IFNG-AS1: variants seen among roughly 807,000 people sequenced by gnomAD.
IFNG-AS1 encodes IFNG regulatory antisense RNA 1.
At chr12:67,991,997 T>A (rs1394888943) in intron 1 of IFNG-AS1, among the ~76,000 whole-genome samples, 1 of 152,242 alleles carries the variant, frequency 6.6e-6, no homozygotes, top group Non-Finnish European at 1.5e-5. Context: ...GAAAGAAAGG[T>A]TAAAGTTGAC....
chr12:68,017,383 G>T (rs972061649), intron 3 of IFNG-AS1, among the ~76,000 whole-genome samples: 1 of 152,146 alleles, frequency 6.6e-6, no homozygotes, highest in Non-Finnish European at 1.5e-5. Context: ...CAGTGATTTG[G>T]AGAAAAATTA....
chr12:68,002,384 C>G (rs143476535), intron 2 of IFNG-AS1, among the ~76,000 whole-genome samples: 4 of 152,302 alleles, frequency 2.6e-5, no homozygotes, highest in African/African-American at 9.6e-5. Flanking sequence ...GTATTTGGCT[C>G]TCAGAGTCAG....
intron 3 of IFNG-AS1, among the ~76,000 whole-genome samples, chr12:68,010,786 C>T (rs566656132): frequency 6.6e-6 from 1 of 152,344 alleles, no homozygotes; most frequent in East Asian, 1.9e-4. Context: ...GGATACCCTT[C>T]ATGTGCCAGG....
At chr12:68,002,874 C>A (rs963913080) in intron 2 of IFNG-AS1, among the ~76,000 whole-genome samples, 3 of 152,200 alleles carry the variant, frequency 2.0e-5, no homozygotes, top group Non-Finnish European at 2.9e-5. Flanking sequence ...CAGTGAGCCA[C>A]ATGCTGTCAT....
chr12:68,019,649 G>A (rs1475120170), intron 3 of IFNG-AS1, among the ~76,000 whole-genome samples: 1 of 152,128 alleles, frequency 6.6e-6, no homozygotes, highest in African/African-American at 2.4e-5. Context: ...ATGTCAACTT[G>A]TACACTCACA....
chr12:67,994,258 A>G (rs1277733487), intron 1 of IFNG-AS1, among the ~76,000 whole-genome samples: 2 of 152,224 alleles, frequency 1.3e-5, no homozygotes, highest in African/African-American at 2.4e-5. Context: ...AGAGGGAGCT[A>G]TAACAGAGAA....
intron 2 of IFNG-AS1, among the ~76,000 whole-genome samples, chr12:67,997,285 G>A (rs546175106): frequency 6.6e-6 from 1 of 152,136 alleles, no homozygotes; most frequent in Non-Finnish European, 1.5e-5. Flanking sequence ...GTAGGATGCA[G>A]GTGCATGACT....
At chr12:68,001,116 C>A (rs1879757652) in intron 2 of IFNG-AS1, among the ~76,000 whole-genome samples, 3 of 150,698 alleles carry the variant, frequency 2.0e-5, no homozygotes, top group African/African-American at 5.0e-5. Flanking sequence ...CACATACATA[C>A]AAACACACAT....
At chr12:68,014,445 A>G (rs1349340259) in intron 3 of IFNG-AS1, among the ~76,000 whole-genome samples, 3 of 152,130 alleles carry the variant, frequency 2.0e-5, no homozygotes, top group Non-Finnish European at 4.4e-5. Flanking sequence ...CCATGCCAAC[A>G]TCTACTGGTT....
chr12:68,011,978 T>C (rs1322436540), intron 3 of IFNG-AS1, among the ~76,000 whole-genome samples: 2 of 152,206 alleles, frequency 1.3e-5, no homozygotes, highest in Non-Finnish European at 2.9e-5. Context: ...ACAAGCAATC[T>C]GCTTTGAGTT....
chr12:68,008,561 G>A (rs1879957957), intron 3 of IFNG-AS1, among the ~76,000 whole-genome samples: 1 of 152,200 alleles, frequency 6.6e-6, no homozygotes, highest in African/African-American at 2.4e-5. Flanking sequence ...ATTCCAAGGT[G>A]TCAGTAGATT....
At chr12:67,996,650 T>G (rs185073914) in intron 2 of IFNG-AS1, among the ~76,000 whole-genome samples, 1 of 152,292 alleles carries the variant, frequency 6.6e-6, no homozygotes, top group African/African-American at 2.4e-5. Context: ...GAACTTGGCT[T>G]CTCTCTTTCA....
chr12:68,016,241 G>C (rs1053421671), intron 3 of IFNG-AS1, among the ~76,000 whole-genome samples: 1 of 152,092 alleles, frequency 6.6e-6, no homozygotes. Flanking sequence ...GCATACCGTG[G>C]AGTCATGCTC....
At chr12:68,004,904 T>C (rs1359859190) in intron 2 of IFNG-AS1, among the ~76,000 whole-genome samples, 3 of 152,204 alleles carry the variant, frequency 2.0e-5, no homozygotes, top group Non-Finnish European at 4.4e-5. Flanking sequence ...TTCTGTCTCC[T>C]TTTTTGCAGT....
At chr12:68,011,883 C>T (rs922928287) in intron 3 of IFNG-AS1, among the ~76,000 whole-genome samples, 1 of 152,204 alleles carries the variant, frequency 6.6e-6, no homozygotes, top group Non-Finnish European at 1.5e-5. Context: ...AATAGAGAAG[C>T]TTCTCCAGCA....
chr12:68,016,889 G>T (rs1215661616), intron 3 of IFNG-AS1, among the ~76,000 whole-genome samples: 2 of 152,292 alleles, frequency 1.3e-5, no homozygotes, highest in East Asian at 3.9e-4. Flanking sequence ...CATGCCCTGG[G>T]CTAGGCATAA....
At chr12:68,014,791 C>T (rs3014992) in intron 3 of IFNG-AS1, among the ~76,000 whole-genome samples, 52,753 of 98,010 alleles carry the variant, frequency 0.54, 9,987 homozygotes, top group Middle Eastern at 0.66. Context: ...CTTACACACA[C>T]ACAGACACAC....
chr12:67,996,392 G>T (rs1476785327), intron 2 of IFNG-AS1, among the ~76,000 whole-genome samples: 2 of 152,206 alleles, frequency 1.3e-5, no homozygotes, highest in Non-Finnish European at 2.9e-5. Context: ...ATTCTTAAAA[G>T]ATCATACTTG....
At chr12:68,003,701 T>C (rs1879835646) in intron 2 of IFNG-AS1, among the ~76,000 whole-genome samples, 1 of 151,900 alleles carries the variant, frequency 6.6e-6, no homozygotes, top group Admixed American at 6.6e-5. Flanking sequence ...GATCACGAGG[T>C]CAGGAGATCG....
Sources: allele counts gnomAD v4.1 joint callset (sites outside exome capture counted in the v4.1 genomes callset), GRCh38; gene constraint gnomAD v4.1.1; transcripts MANE v1.5; gene names NCBI Gene and HGNC (gene_info 2026-07-23, HGNC 2026-07-21).